BICC1: variants seen among roughly 807,000 people sequenced by gnomAD.
BICC1 encodes the protein protein bicaudal C homolog 1.
BICC1 carries 43 observed loss-of-function variants against 111.0 expected under a neutral mutation model. That is an observed-to-expected ratio of 0.39 (90% CI 0.30 to 0.50). BICC1 has a LOEUF of 0.50. BICC1 is among the 20% of genes least tolerant of loss of function. The pLI is 0.88. For synonymous variants in BICC1, 467 were observed against 434.4 expected, an observed-to-expected ratio of 1.07 and a Z score of -0.93; for missense variants, 1,091 against 1,203.2, an observed-to-expected ratio of 0.91 and a Z score of 1.38.
At chr10:58,644,202 A>C (rs1838201310) in intron 2 of BICC1, among the ~76,000 whole-genome samples, 1 of 152,152 alleles carries the variant, frequency 6.6e-6, no homozygotes, top group African/African-American at 2.4e-5. Flanking sequence ...AAGTACCTAT[A>C]ATGTTTTAAG....
intron 1 of BICC1, among the ~76,000 whole-genome samples, chr10:58,588,840 A>G (rs1844511155): frequency 6.6e-6 from 1 of 152,222 alleles, no homozygotes; most frequent in Admixed American, 6.5e-5. Flanking sequence ...ATTGGATGGC[A>G]TAGCAGACTT....
At chr10:58,771,146 C>T (rs970913166) in intron 3 of BICC1, among the ~76,000 whole-genome samples, 1 of 152,026 alleles carries the variant, frequency 6.6e-6, no homozygotes, top group Non-Finnish European at 1.5e-5. Context: ...CAGAAGGACC[C>T]ACTGAGAGAA....
chr10:58,776,585 G>A (rs969679369), intron 3 of BICC1, among the ~76,000 whole-genome samples: 4 of 152,094 alleles, frequency 2.6e-5, no homozygotes, highest in Non-Finnish European at 1.5e-5. Context: ...CATTGCAGAG[G>A]GCTGGTGTTG....
At chr10:58,754,034 TGTA>T (rs2132654417) in intron 3 of BICC1, among the ~76,000 whole-genome samples, 2 of 152,334 alleles carry the variant, frequency 1.3e-5, no homozygotes, top group South Asian at 4.1e-4. Context: ...AGGTATTAGG[TGTA>T]TAAAAAGGCT....
chr10:58,526,661 G>A (rs1041506008), intron 1 of BICC1, among the ~76,000 whole-genome samples: 3 of 152,162 alleles, frequency 2.0e-5, no homozygotes, highest in African/African-American at 7.2e-5. Flanking sequence ...TCCCACCTAA[G>A]AGTGAGAACA....
rs1013379684 is a variant in BICC1 at position 58,820,913 on chromosome 10, T to C, written c.2794+445T>C. Among the ~76,000 whole-genome samples the C allele has an allele frequency of 7.2e-5, 11 of 152,166 alleles. No individual in the cohort carries two copies. In the South Asian group the frequency reaches 2.1e-3, roughly 29 times the overall value. ...AAAGAATGCTGGTTGAATCTGGCAG[T>C]GTTACTTGTCTTAATTCTTCTTAGT... On this transcript the variant is annotated intron_variant, in intron 20 of 20. Transcript: ENST00000373886.
At chr10:58,582,624 A>G (rs542401360) in intron 1 of BICC1, among the ~76,000 whole-genome samples, 1 of 152,316 alleles carries the variant, frequency 6.6e-6, no homozygotes, top group African/African-American at 2.4e-5. Flanking sequence ...TTAGAATTAT[A>G]GAGGTCAGAA....
intron 2 of BICC1, among the ~76,000 whole-genome samples, chr10:58,662,593 T>A (rs1425762035): frequency 6.6e-6 from 1 of 152,192 alleles, no homozygotes; most frequent in Non-Finnish European, 1.5e-5. Flanking sequence ...CTAGAAACTC[T>A]GTCACTGATT....
At chr10:58,747,392 T>C (rs947897952) in intron 3 of BICC1, among the ~76,000 whole-genome samples, 1 of 152,154 alleles carries the variant, frequency 6.6e-6, no homozygotes, top group Non-Finnish European at 1.5e-5. Context: ...CTTAAATAAA[T>C]AAGCAAATAA....
chr10:58,536,122 A>G (rs1774721212), intron 1 of BICC1, among the ~76,000 whole-genome samples: 2 of 151,760 alleles, frequency 1.3e-5, no homozygotes, highest in African/African-American at 4.8e-5. Flanking sequence ...CAGAAACACA[A>G]TAATAGTAGA....
At chr10:58,549,755 G>A (rs1040884819) in intron 1 of BICC1, among the ~76,000 whole-genome samples, 2 of 149,030 alleles carry the variant, frequency 1.3e-5, no homozygotes, top group South Asian at 2.1e-4. Context: ...GTGTGATCTC[G>A]GCTCACTGCA....
At chr10:58,731,423 C>T (rs1048033525) in intron 3 of BICC1, among the ~76,000 whole-genome samples, 1 of 152,206 alleles carries the variant, frequency 6.6e-6, no homozygotes, top group Non-Finnish European at 1.5e-5. Flanking sequence ...TGAACCTCTT[C>T]CTATTACCCA....
intron 15 of BICC1, among the ~76,000 whole-genome samples, chr10:58,805,305 AC>A (rs1843676444): frequency 6.7e-6 from 1 of 148,762 alleles, no homozygotes. Context: ...AAACAAACAA[AC>A]AAACAAACAA....
intron 3 of BICC1, among the ~76,000 whole-genome samples, chr10:58,758,592 G>T (rs1564596949): frequency 6.6e-6 from 1 of 152,068 alleles, no homozygotes; most frequent in African/African-American, 2.4e-5. Flanking sequence ...CCAAACTGTG[G>T]GTCTAGATAG....
chr10:58,514,328 G>T (rs1937506694), intron 1 of BICC1, among the ~76,000 whole-genome samples: 1 of 152,204 alleles, frequency 6.6e-6, no homozygotes. Flanking sequence ...TAGGGCGCTG[G>T]TGAAGATTCA....
chr10:58,598,426 A>G (rs1195722039), intron 1 of BICC1, among the ~76,000 whole-genome samples: 2 of 152,170 alleles, frequency 1.3e-5, no homozygotes, highest in African/African-American at 2.4e-5. Flanking sequence ...CCTATTTAAT[A>G]AATGTTGTTG....
intron 1 of BICC1, among the ~76,000 whole-genome samples, chr10:58,541,834 T>C (rs1156286935): frequency 1.0e-5 from 1 of 98,412 alleles, no homozygotes; most frequent in African/African-American, 4.0e-5. Context: ...AATCAAAATA[T>C]TATGGTAGTG....
At chr10:58,734,707 T>C (rs1841416523) in intron 3 of BICC1, among the ~76,000 whole-genome samples, 1 of 152,226 alleles carries the variant, frequency 6.6e-6, no homozygotes, top group Non-Finnish European at 1.5e-5. Context: ...TTATTTTTCA[T>C]AGAAGAAGCT....
rs71006209 is a variant in BICC1 at position 58,829,191 on chromosome 10, A to ATTTTTTTTTTTTTTTTTT, written c.*314_*331dup. On this transcript the variant is annotated 3_prime_UTR_variant, in exon 21 of 21. Transcript: ENST00000373886. Reference sequence around the variant, plus strand: ...TACCTATATAACATATGCACTGATGATTTTTTTTTTTTTTTTTTTTTTTTT... The same window carrying ATTTTTTTTTTTTTTTTTT: ...TACCTATATAACATATGCACTGATGATTTTTTTTTTTTTTTTTTTTTTTTTTTTTTTTTTTTTTTTTTT... The ATTTTTTTTTTTTTTTTTT allele has an allele frequency of 4.7e-5, 2 of 42,388 alleles. No individual in the cohort carries two copies. Among genetic ancestry groups the ATTTTTTTTTTTTTTTTTT allele is most frequent in the East Asian group, 1.0e-3 (1 of 998 alleles). The allele number at this position is 42,388 out of a possible 1,614,324, so 2.6% of individuals were successfully genotyped here.
Sources: gnomAD v4.1 joint callset for allele counts (sites outside exome capture counted in the v4.1 genomes callset) on GRCh38, gnomAD v4.1.1 for gene constraint, MANE v1.5 for transcripts, NCBI Gene and HGNC (gene_info 2026-07-23, HGNC 2026-07-21) for gene names.